RAMP1: variants seen among roughly 807,000 people sequenced by gnomAD.
RAMP1 encodes the protein receptor activity modifying protein 1, also known as receptor activity-modifying protein 1.
A neutral mutation model predicts 8.2 loss-of-function variants in RAMP1; 7 were observed. The ratio of observed to expected loss-of-function variants is 0.85; its 90% CI spans 0.49 to 1.60. The LOEUF (loss-of-function observed/expected upper bound fraction) is 1.60, where lower values mean the gene tolerates loss of function less well. RAMP1 is among the 40% of genes most tolerant of loss of function. The pLI is 0.00. For missense variants in RAMP1, 192 were observed against 202.4 expected (o/e 0.95, Z 0.31); for synonymous variants, 92 against 84.7 (o/e 1.09, Z -0.47).
chr2:237,879,303 G>C (rs2062341366), intron 2 of RAMP1, among the ~76,000 whole-genome samples: 2 of 151,954 alleles, frequency 1.3e-5, no homozygotes, highest in Non-Finnish European at 2.9e-5. Flanking sequence ...TGCACACAGT[G>C]TTCTACAAGC....
intron 2 of RAMP1, among the ~76,000 whole-genome samples, chr2:237,888,371 A>G (rs1446798340): frequency 1.3e-5 from 2 of 152,076 alleles, no homozygotes; most frequent in African/African-American, 4.8e-5. Context: ...TTCTTGATAG[A>G]TTTTTGCCAG....
chr2:237,911,783 G>T lies in RAMP1; in HGVS notation c.447G>T (p.Ter149TyrextTer50). Residue 149 changes from the stop codon to tyrosine, a stop_lost, in exon 3 of 3, where the codon TAG becomes TAT. Coordinates refer to ENST00000254661, the MANE Select transcript of RAMP1 (RefSeq NM_005855.4). ...GCAAGCGCACTGAGGGCATTGTGTA[G>T]GCGGGGCCCAGGCTGCCCGCGGGTG... The part of the protein sequence containing the change: ...WQSKRTEGIV[*>Y] 1 of 1,600,994 alleles carries T rather than the reference G, an allele frequency of 6.2e-7. No individual in the cohort carries two copies. Among genetic ancestry groups the T allele is most frequent in the Non-Finnish European group, 8.5e-7 (1 of 1,173,298 alleles).
intron 2 of RAMP1, among the ~76,000 whole-genome samples, chr2:237,902,300 G>GAGA (rs1233373150): frequency 6.9e-6 from 1 of 145,680 alleles, no homozygotes; most frequent in Non-Finnish European, 1.5e-5. Flanking sequence ...TCGGGAGGAG[G>GAGA]AGGAGGGGCT....
chr2:237,900,440 C>T (rs1455796302), intron 2 of RAMP1, among the ~76,000 whole-genome samples: 6 of 139,838 alleles, frequency 4.3e-5, no homozygotes, highest in African/African-American at 1.3e-4. Flanking sequence ...GTATTACAGG[C>T]GTGAGCCACC....
chr2:237,909,167 A>G (rs1353103711), intron 2 of RAMP1, among the ~76,000 whole-genome samples: 7 of 152,148 alleles, frequency 4.6e-5, no homozygotes, highest in Non-Finnish European at 8.8e-5. Flanking sequence ...CAGACAAGGA[A>G]GTGTCCAAGC....
rs1012449607 is a variant in RAMP1 at position 237,865,783 on chromosome 2, G to A, written c.52+6056G>A. On this transcript the variant is annotated intron_variant, in intron 1 of 2. Coordinates refer to ENST00000254661, the MANE Select transcript of RAMP1 (RefSeq NM_005855.4). The surrounding 1 kb of genome is among the most constrained non-coding windows in gnomAD (Gnocchi z 4.2). Reference sequence around the variant, plus strand: ...AGGCTCCTTGTGAGAGGCCAGAGAGGACGGCCAGGGAGGACAGAGAAGGAA... The same window carrying A: ...AGGCTCCTTGTGAGAGGCCAGAGAGAACGGCCAGGGAGGACAGAGAAGGAA... Among the ~76,000 whole-genome samples the A allele has an allele frequency of 1.1e-4, 17 of 152,136 alleles. No homozygotes were observed. Among genetic ancestry groups the A allele is most frequent in the African/African-American group, 3.6e-4 (15 of 41,428 alleles).
Position 237,877,843 on chromosome 2 carries a change from A to G in RAMP1, c.191+481A>G. On this transcript the variant is annotated intron_variant, in intron 2 of 2. Transcript: ENST00000254661. This position sits in a 1 kb window ranked among gnomAD's most constrained non-coding sequence, Gnocchi z 4.4. The stretch of plus-strand genomic sequence containing the variant: ...CAGGCTGTCACCACCCACAGCCCCC[A>G]GCAGGACGGCTTCAGCCGAACCCTT... 1 of 529,102 alleles carries G rather than the reference A, an allele frequency of 1.9e-6. No individual in the cohort carries two copies. Among genetic ancestry groups the G allele is most frequent in the East Asian group, 1.5e-4 (1 of 6,724 alleles). The allele number at this position is 529,102 out of a possible 1,614,324, so 32.8% of individuals were successfully genotyped here. A position where few individuals can be genotyped will look rare whatever the true frequency, so the allele number is the denominator to read the frequency against.
intron 2 of RAMP1, among the ~76,000 whole-genome samples, chr2:237,908,130 G>A (rs763463319): frequency 3.3e-4 from 50 of 152,244 alleles, no homozygotes; most frequent in Non-Finnish European, 5.4e-4. Context: ...ATTCCTCAGT[G>A]TGGTGCCCCA....
In RAMP1 at chr2:237,877,378, C is replaced by T. The variant is rs1236131804; in HGVS notation, c.191+16C>T. ...GGACCATCAGGTGAGTCCCATGGCCCCTGGTGGGCAGGACACGGTTGGGGA... is the reference window on the plus strand; with the variant it reads ...GGACCATCAGGTGAGTCCCATGGCCTCTGGTGGGCAGGACACGGTTGGGGA... On this transcript the variant is annotated intron_variant, in intron 2 of 2. Coordinates refer to ENST00000254661, the MANE Select transcript of RAMP1 (RefSeq NM_005855.4). The surrounding 1 kb of genome is among the most constrained non-coding windows in gnomAD (Gnocchi z 4.4). 1.0e-5 allele frequency: 16 copies of T among 1,606,316 alleles called. No individual in the cohort carries two copies. The highest frequency in any genetic ancestry group is 1.3e-5 in the African/African-American group (1 of 74,822).
chr2:237,870,139 T>G (rs1407846882), intron 1 of RAMP1, among the ~76,000 whole-genome samples: 5 of 152,238 alleles, frequency 3.3e-5, no homozygotes, highest in Non-Finnish European at 1.5e-5. Context: ...TAGTCTTTTG[T>G]CTGTGTCATG....
intron 2 of RAMP1, among the ~76,000 whole-genome samples, chr2:237,910,088 G>C (rs1404558234): frequency 6.6e-6 from 1 of 152,138 alleles, no homozygotes; most frequent in African/African-American, 2.4e-5. Flanking sequence ...GCCGTGGCAG[G>C]ATAGGGTCAG....
intron 2 of RAMP1, among the ~76,000 whole-genome samples, chr2:237,894,200 A>G (rs1319654955): frequency 6.6e-6 from 1 of 151,898 alleles, no homozygotes; most frequent in Non-Finnish European, 1.5e-5. Flanking sequence ...TGAACTCCTG[A>G]CCTCAAGTGA....
At chr2:237,870,885 A>G (rs990696615) in intron 1 of RAMP1, among the ~76,000 whole-genome samples, 1 of 152,210 alleles carries the variant, frequency 6.6e-6, no homozygotes, top group Non-Finnish European at 1.5e-5. Context: ...AGAACTGTGC[A>G]CAGCAACCCC....
At chr2:237,892,284 T>C (rs1258195296) in intron 2 of RAMP1, among the ~76,000 whole-genome samples, 3 of 148,792 alleles carry the variant, frequency 2.0e-5, no homozygotes, top group African/African-American at 2.5e-5. Flanking sequence ...TTCTTTTTTT[T>C]TTTTTTTTTT....
chr2:237,882,502 A>G (rs1268489633), intron 2 of RAMP1, among the ~76,000 whole-genome samples: 1 of 152,102 alleles, frequency 6.6e-6, no homozygotes, highest in East Asian at 1.9e-4. Flanking sequence ...GCTGGTACCC[A>G]TGGCTCCCTC....
At chr2:237,903,059 A>C (rs1000126621) in intron 2 of RAMP1, among the ~76,000 whole-genome samples, 10 of 152,284 alleles carry the variant, frequency 6.6e-5, no homozygotes, top group African/African-American at 2.4e-4. Flanking sequence ...GGGTCTCACT[A>C]GGTTGCCCAG....
intron 2 of RAMP1, among the ~76,000 whole-genome samples, chr2:237,894,943 G>GT (rs1430177611): frequency 6.6e-6 from 1 of 152,160 alleles, no homozygotes; most frequent in Non-Finnish European, 1.5e-5. Flanking sequence ...GACAAGTTAG[G>GT]TGAAGGCACC....
At chr2:237,859,826 G>T in intron 1 of RAMP1, 99 bp downstream of exon 1, 2 of 1,086,474 alleles carry the variant, frequency 1.8e-6, no homozygotes, top group Non-Finnish European at 2.4e-6. Flanking sequence ...GTGGGAGCGG[G>T]TGGGGGCGGG....
chr2:237,867,050 A>C (rs12468115), intron 1 of RAMP1, among the ~76,000 whole-genome samples: 17,095 of 152,136 alleles, frequency 0.11, 1,117 homozygotes, highest in Middle Eastern at 0.29. Flanking sequence ...CTTATAATGA[A>C]GTAAGCTAGA....
Sources: gnomAD v4.1 joint callset for allele counts (sites outside exome capture counted in the v4.1 genomes callset) on GRCh38, gnomAD v4.1.1 for gene constraint, Gnocchi (gnomAD v3.1) non-coding constraint, MANE v1.5 for transcripts, NCBI Gene and HGNC (gene_info 2026-07-23, HGNC 2026-07-21) for gene names.